The following HPSE2 variants were observed in gnomAD, a reference collection of about 807,000 sequenced individuals.
HPSE2 encodes inactive heparanase-2.
A neutral mutation model predicts 60.5 loss-of-function variants in HPSE2; 38 were observed. The observed-to-expected ratio is 0.63, with a 90% CI of 0.48 to 0.82. HPSE2 has a LOEUF of 0.82. Ranked by LOEUF, HPSE2 falls within the 40% of genes least tolerant of loss-of-function variation. The pLI is 0.00. For missense variants in HPSE2, 713 were observed against 740.4 expected (o/e 0.96, Z 0.43); for synonymous variants, 295 against 293.2 (o/e 1.01, Z -0.06).
In HPSE2 at chr10:99,059,547, C is replaced by T. The variant is rs117350037; in HGVS notation, c.610+84691G>A. On this transcript the variant is annotated intron_variant, in intron 3 of 11. Transcript: ENST00000370552. ...GTGTTTATTTTGGTATTAATAAAGG[C>T]TAATACAGGTACCAGTACCTTTCTT... 1.7e-4 allele frequency among the ~76,000 whole-genome samples: 26 copies of T among 152,142 alleles called. No individual in the cohort carries two copies. The East Asian group carries it at 4.4e-3, about 26-fold the overall frequency.
At chr10:98,897,994 A>G (rs1216337216) in intron 3 of HPSE2, among the ~76,000 whole-genome samples, 1 of 152,144 alleles carries the variant, frequency 6.6e-6, no homozygotes, top group Non-Finnish European at 1.5e-5. Context: ...AGAACTCAAC[A>G]ATGAGGAAAA....
At chr10:98,476,033 T>C (rs1008250896) in intron 11 of HPSE2, among the ~76,000 whole-genome samples, 1 of 151,974 alleles carries the variant, frequency 6.6e-6, no homozygotes, top group Non-Finnish European at 1.5e-5. Flanking sequence ...CGTATGTTTA[T>C]TGCGGCACTA....
the HPSE2 span, among the ~76,000 whole-genome samples, chr10:99,254,420 G>T: frequency 6.6e-6 from 1 of 152,106 alleles, no homozygotes; most frequent in African/African-American, 2.4e-5. Flanking sequence ...AAGGAAGGTT[G>T]AAAAACTAAC....
intron 3 of HPSE2, among the ~76,000 whole-genome samples, chr10:98,763,925 G>T (rs1420066721): frequency 6.6e-6 from 1 of 152,072 alleles, no homozygotes; most frequent in Non-Finnish European, 1.5e-5. Context: ...TGGGGGTAAA[G>T]GTAATAGGCT....
intron 2 of HPSE2, among the ~76,000 whole-genome samples, chr10:99,156,351 A>G (rs1297400318): frequency 6.9e-5 from 10 of 144,156 alleles, no homozygotes; most frequent in African/African-American, 2.0e-4. Flanking sequence ...AAAATCCTCA[A>G]CAAAATTCTG....
chr10:98,652,753 C>A (rs1946951316), intron 6 of HPSE2, among the ~76,000 whole-genome samples: 1 of 152,216 alleles, frequency 6.6e-6, no homozygotes, highest in African/African-American at 2.4e-5. Context: ...TAAATGGTAT[C>A]TTGGCTAAAA....
At position 98,685,898 on chromosome 10, in the gene HPSE2, T is replaced by G. The variant is rs1589636287; in HGVS notation, c.1004+8002A>C. ...TCTTATATCACTTTTGTAAGTTGTATTTTTCAAAGAATTTATCTACTTTGT... is the reference window on the plus strand; with the variant it reads ...TCTTATATCACTTTTGTAAGTTGTAGTTTTCAAAGAATTTATCTACTTTGT... On this transcript the variant is annotated intron_variant, in intron 6 of 11. Transcript: ENST00000370552. Among the ~76,000 whole-genome samples the G allele has an allele frequency of 2.0e-5, 3 of 152,186 alleles. No individual in the cohort carries two copies. The East Asian group carries it at 5.8e-4, about 29-fold the overall frequency.
intron 3 of HPSE2, among the ~76,000 whole-genome samples, chr10:98,907,691 C>T (rs994694938): frequency 2.0e-5 from 3 of 152,158 alleles, no homozygotes; most frequent in African/African-American, 7.2e-5. Flanking sequence ...TGCTACTTAA[C>T]TAGCATTTGT....
At chr10:98,522,786 C>T (rs760404088) in intron 9 of HPSE2, among the ~76,000 whole-genome samples, 2 of 152,078 alleles carry the variant, frequency 1.3e-5, no homozygotes, top group African/African-American at 2.4e-5. Context: ...CCTTCGTCAG[C>T]GAATCTTTGA....
At chr10:98,957,726 T>G (rs1301821717) in intron 3 of HPSE2, among the ~76,000 whole-genome samples, 2 of 152,180 alleles carry the variant, frequency 1.3e-5, no homozygotes, top group African/African-American at 4.8e-5. Context: ...ATTGTGACTT[T>G]GGAGTGCTTG....
intron 4 of HPSE2, among the ~76,000 whole-genome samples, chr10:98,729,624 A>AATT (rs1949180003): frequency 6.6e-6 from 1 of 151,822 alleles, no homozygotes; most frequent in Admixed American, 6.6e-5. Flanking sequence ...ATAAATAAAT[A>AATT]AATAAATTAA....
the HPSE2 span, among the ~76,000 whole-genome samples, chr10:99,276,408 C>T: frequency 6.6e-6 from 1 of 152,052 alleles, no homozygotes; most frequent in African/African-American, 2.4e-5. Flanking sequence ...GTTGTCTAGC[C>T]ATCACTTTTT....
chr10:99,235,127 C>CACAT (rs1381033702), intron 1 of HPSE2, among the ~76,000 whole-genome samples: 1 of 151,466 alleles, frequency 6.6e-6, no homozygotes, highest in Non-Finnish European at 1.5e-5. Flanking sequence ...CACACACACA[C>CACAT]ATACCCATTC....
the HPSE2 span, among the ~76,000 whole-genome samples, chr10:99,263,419 T>C: frequency 3.3e-5 from 5 of 152,228 alleles, no homozygotes; most frequent in African/African-American, 7.2e-5. Context: ...TGCTGTTATA[T>C]GGGCTGAAAG....
intron 3 of HPSE2, among the ~76,000 whole-genome samples, chr10:99,040,456 T>G (rs1957711941): frequency 6.6e-6 from 1 of 152,206 alleles, no homozygotes; most frequent in South Asian, 2.1e-4. Flanking sequence ...AGAGTCCATT[T>G]TGACACATGT....
chr10:99,139,791 C>G (rs978336149), intron 3 of HPSE2, among the ~76,000 whole-genome samples: 4 of 152,120 alleles, frequency 2.6e-5, no homozygotes, highest in Non-Finnish European at 5.9e-5. Context: ...AAGGAACCAT[C>G]TACTTCATTT....
chr10:98,971,281 T>C (rs986500419), intron 3 of HPSE2, among the ~76,000 whole-genome samples: 2 of 152,232 alleles, frequency 1.3e-5, no homozygotes, highest in African/African-American at 4.8e-5. Flanking sequence ...TAAAAAATTC[T>C]GTTGTTGTTA....
chr10:99,283,679 C>G, the HPSE2 span, among the ~76,000 whole-genome samples: 2 of 152,018 alleles, frequency 1.3e-5, no homozygotes, highest in Non-Finnish European at 2.9e-5. Context: ...GACATTACTA[C>G]TGATTTTATA....
chr10:98,761,790 T>C lies in HPSE2; in HGVS notation c.611-17734A>G, dbSNP rs140057280. On this transcript the variant is annotated intron_variant, in intron 3 of 11. Coordinates refer to ENST00000370552, the MANE Select transcript of HPSE2 (RefSeq NM_021828.5). ...GACAATGATCTGTAATGAAGGTGAG[T>C]TTCATGGTCTTATGTTCTTCCTTTA... is the stretch of plus-strand genomic sequence containing the variant. 7.5e-3 allele frequency among the ~76,000 whole-genome samples: 1,143 copies of C among 151,992 alleles called. 10 individuals are homozygous for C. The highest frequency in any genetic ancestry group is 8.1e-3 in the Non-Finnish European group (553 of 67,940).
Sources: allele counts gnomAD v4.1 joint callset (sites outside exome capture counted in the v4.1 genomes callset), GRCh38; gene constraint gnomAD v4.1.1; transcripts MANE v1.5; gene names NCBI Gene and HGNC (gene_info 2026-07-23, HGNC 2026-07-21).